ASTN2: variants seen among roughly 807,000 people sequenced by gnomAD.
ASTN2 encodes the protein astrotactin-2.
A neutral mutation model predicts 139.8 loss-of-function variants in ASTN2; 54 were observed. That is an observed-to-expected ratio of 0.39 (90% CI 0.31 to 0.48). ASTN2 has a LOEUF of 0.48. Among genes scored for constraint, ASTN2 ranks in the 20% least tolerant of loss-of-function variants. ASTN2 has a pLI of 0.95. For synonymous variants in ASTN2, 756 were observed against 719.5 expected (o/e 1.05, Z -0.81); for missense variants, 1,565 against 1,725.1 (o/e 0.91, Z 1.64).
chr9:116,828,781 T>C (rs928622828), intron 11 of ASTN2, among the ~76,000 whole-genome samples: 5 of 152,174 alleles, frequency 3.3e-5, no homozygotes, highest in Admixed American at 1.3e-4. Context: ...TGTTTGCTGA[T>C]AGTATTGTCT....
intron 5 of ASTN2, among the ~76,000 whole-genome samples, chr9:117,059,781 T>C (rs1272713717): frequency 6.6e-6 from 1 of 152,136 alleles, no homozygotes; most frequent in Non-Finnish European, 1.5e-5. Context: ...CATTCAATTG[T>C]TTACTTATTC....
intron 19 of ASTN2, among the ~76,000 whole-genome samples, chr9:116,569,396 G>A (rs1331202019): frequency 6.6e-6 from 1 of 152,210 alleles, no homozygotes; most frequent in African/African-American, 2.4e-5. Context: ...CTTCATAAAT[G>A]TTTGCTGTTA....
intron 1 of ASTN2, among the ~76,000 whole-genome samples, chr9:117,403,032 T>C (rs1269088784): frequency 6.6e-6 from 1 of 152,078 alleles, no homozygotes; most frequent in East Asian, 1.9e-4. Context: ...GAAAGGAACA[T>C]TGGAGGATGA....
intron 19 of ASTN2, among the ~76,000 whole-genome samples, chr9:116,513,311 G>A (rs552435201): frequency 4.7e-4 from 71 of 152,266 alleles, no homozygotes; most frequent in Non-Finnish European, 7.6e-4. Context: ...TTTTATTTAA[G>A]AATGTTGAAT....
At chr9:117,164,598 A>G (rs1830627823) in intron 3 of ASTN2, among the ~76,000 whole-genome samples, 1 of 152,060 alleles carries the variant, frequency 6.6e-6, no homozygotes, top group Admixed American at 6.6e-5. Context: ...GAAGTGTGTT[A>G]TTCATGGGTA....
chr9:116,924,275 A>G (rs1366132785), intron 10 of ASTN2, among the ~76,000 whole-genome samples: 3 of 151,370 alleles, frequency 2.0e-5, no homozygotes, highest in Non-Finnish European at 2.9e-5. Context: ...AAAAAAAAAA[A>G]AAAACTTAGC....
intron 4 of ASTN2, among the ~76,000 whole-genome samples, chr9:117,120,386 C>G (rs547927031): frequency 6.6e-6 from 1 of 152,076 alleles, no homozygotes; most frequent in African/African-American, 2.4e-5. Context: ...GGCCACCATG[C>G]CACAGTGAGT....
chr9:116,526,116 T>C (rs1025280617), intron 19 of ASTN2, among the ~76,000 whole-genome samples: 1 of 152,222 alleles, frequency 6.6e-6, no homozygotes, highest in Non-Finnish European at 1.5e-5. Flanking sequence ...TCATTTGTTC[T>C]TCTCTAATCC....
intron 1 of ASTN2, among the ~76,000 whole-genome samples, chr9:117,318,373 G>A (rs1828215220): frequency 6.6e-6 from 1 of 152,172 alleles, no homozygotes. Context: ...TTATTATGGT[G>A]CATCTGAATC....
At chr9:117,316,298 T>A (rs1392280783) in intron 1 of ASTN2, among the ~76,000 whole-genome samples, 1 of 152,148 alleles carries the variant, frequency 6.6e-6, no homozygotes, top group Admixed American at 6.5e-5. Context: ...ATCTCACTAA[T>A]AAACTGAGGA....
At chr9:116,643,901 T>G (rs867966160) in intron 17 of ASTN2, among the ~76,000 whole-genome samples, 3 of 152,184 alleles carry the variant, frequency 2.0e-5, no homozygotes, top group African/African-American at 7.2e-5. Flanking sequence ...CATATGTAAG[T>G]AATTATAGTA....
chr9:116,814,832 A>G (rs1831266671), intron 12 of ASTN2, among the ~76,000 whole-genome samples: 1 of 152,232 alleles, frequency 6.6e-6, no homozygotes, highest in Admixed American at 6.5e-5. Flanking sequence ...AATGTTCCAT[A>G]CAATCCACAC....
chr9:116,428,878 C>T (rs1847400219), intron 22 of ASTN2, among the ~76,000 whole-genome samples: 1 of 152,098 alleles, frequency 6.6e-6, no homozygotes, highest in South Asian at 2.1e-4. Flanking sequence ...TTAACAGACA[C>T]ATAATAAACT....
intron 3 of ASTN2, among the ~76,000 whole-genome samples, chr9:117,151,914 T>C (rs1830334184): frequency 1.3e-5 from 2 of 152,146 alleles, no homozygotes; most frequent in African/African-American, 4.8e-5. Context: ...CCCACTCTCC[T>C]TTCTGACATC....
At chr9:117,103,495 A>G (rs760635256) in intron 4 of ASTN2, among the ~76,000 whole-genome samples, 2 of 152,136 alleles carry the variant, frequency 1.3e-5, no homozygotes, top group Non-Finnish European at 2.9e-5. Context: ...ATGGAGCAAG[A>G]TGATACAAGG....
intron 16 of ASTN2, among the ~76,000 whole-genome samples, chr9:116,666,949 C>CTT (rs34835904): frequency 2.7e-3 from 190 of 70,364 alleles, no homozygotes; most frequent in African/African-American, 2.9e-3. Flanking sequence ...TTTATTTATT[C>CTT]TTTTTTTTTT....
chr9:117,050,854 G>A (rs768081895), intron 5 of ASTN2, among the ~76,000 whole-genome samples: 7 of 151,984 alleles, frequency 4.6e-5, no homozygotes, highest in Admixed American at 6.6e-5. Context: ...TTTTCCTGAT[G>A]GCCCACAAAC....
At chr9:116,739,321 T>C (rs1414121472) in intron 13 of ASTN2, among the ~76,000 whole-genome samples, 1 of 152,206 alleles carries the variant, frequency 6.6e-6, no homozygotes, top group Non-Finnish European at 1.5e-5. Context: ...TCCCTCATTA[T>C]CTAGACCCTG....
At chr9:116,438,839 A>T (rs1202646779) in intron 22 of ASTN2, among the ~76,000 whole-genome samples, 1 of 152,134 alleles carries the variant, frequency 6.6e-6, no homozygotes, top group Non-Finnish European at 1.5e-5. Flanking sequence ...AATCCCAGCC[A>T]CTTGGGAGGC....
Sources: gnomAD v4.1 joint callset for allele counts (sites outside exome capture counted in the v4.1 genomes callset) on GRCh38, gnomAD v4.1.1 for gene constraint, MANE v1.5 for transcripts, NCBI Gene and HGNC (gene_info 2026-07-23, HGNC 2026-07-21) for gene names.